The following SLC26A4 variants were observed in gnomAD, a reference collection of about 807,000 sequenced individuals.
SLC26A4 encodes the protein solute carrier family 26 member 4.
In SLC26A4, 93 loss-of-function variants were observed where a neutral mutation model predicts 90.4. The observed-to-expected ratio is 1.03, with a 90% CI of 0.87 to 1.22. The LOEUF (loss-of-function observed/expected upper bound fraction) is 1.22. Ranked by LOEUF, SLC26A4 falls within the 50% of genes most tolerant of loss-of-function variation. The pLI, the probability that SLC26A4 is intolerant of heterozygous loss-of-function variation, is 0.00. For missense variants in SLC26A4, 1,127 were observed against 946.2 expected (o/e 1.19, Z -2.51); for synonymous variants, 393 against 354.6 (o/e 1.11, Z -1.22).
intron 14 of SLC26A4, among the ~76,000 whole-genome samples, chr7:107,699,356 T>C (rs1791824559): frequency 6.6e-6 from 1 of 152,164 alleles, no homozygotes; most frequent in Non-Finnish European, 1.5e-5. Flanking sequence ...GGTGTGGCCA[T>C]TGTATGTCAG....
At chr7:107,705,323 T>A (rs1792011687) in intron 18 of SLC26A4, among the ~76,000 whole-genome samples, 1 of 152,170 alleles carries the variant, frequency 6.6e-6, no homozygotes, top group Non-Finnish European at 1.5e-5. Flanking sequence ...TTTTTGTTGT[T>A]TCAGAGAGAG....
chr7:107,686,237 T>C (rs1309439994), intron 8 of SLC26A4, among the ~76,000 whole-genome samples: 1 of 150,842 alleles, frequency 6.6e-6, no homozygotes, highest in East Asian at 1.9e-4. Flanking sequence ...TGTTTGTTAC[T>C]CTTTCTTTCA....
chr7:107,708,573 G>T (rs895538712), intron 18 of SLC26A4, among the ~76,000 whole-genome samples: 1 of 152,008 alleles, frequency 6.6e-6, no homozygotes, highest in Non-Finnish European at 1.5e-5. Context: ...AAATAAATAG[G>T]CCGGTCATGG....
In SLC26A4 at chr7:107,674,284, CA is replaced by C. The variant is rs1473556915; in HGVS notation, c.537del (p.Ala180LeufsTer8). ...TTAAATACTACTATGATAGACACTGCAGCTAGAGATACAGCTAGAGTCCTGA... is the reference window on the plus strand; with the variant it reads ...TTAAATACTACTATGATAGACACTGCGCTAGAGATACAGCTAGAGTCCTGA... ...TVLNTTMIDT[A>X]ARDTARVLIA... On this transcript the variant is annotated frameshift_variant, in exon 5 of 21. Coordinates refer to ENST00000644269, the MANE Select transcript of SLC26A4 (RefSeq NM_000441.2). LOFTEE classifies it high-confidence loss of function. The C allele has an allele frequency of 1.2e-6, 2 of 1,613,550 alleles. No individual in the cohort carries two copies. Among genetic ancestry groups the C allele is most frequent in the Non-Finnish European group, 1.7e-6 (2 of 1,179,616 alleles).
chr7:107,681,010 G>A (rs1215999718), intron 6 of SLC26A4, among the ~76,000 whole-genome samples: 1 of 152,156 alleles, frequency 6.6e-6, no homozygotes, highest in African/African-American at 2.4e-5. Context: ...GGGATAGGTA[G>A]GGCTGTTTGC....
chr7:107,671,934 T>C (rs1464160639), intron 3 of SLC26A4, among the ~76,000 whole-genome samples: 1 of 152,236 alleles, frequency 6.6e-6, no homozygotes, highest in Non-Finnish European at 1.5e-5. Context: ...AAGTATTGAA[T>C]ATCTCATGTA....
At chr7:107,705,530 G>T (rs1348103508) in intron 18 of SLC26A4, among the ~76,000 whole-genome samples, 1 of 152,186 alleles carries the variant, frequency 6.6e-6, no homozygotes, top group Non-Finnish European at 1.5e-5. Context: ...TTTTAACCAA[G>T]AAGTCTTCTC....
intron 17 of SLC26A4, among the ~76,000 whole-genome samples, chr7:107,702,846 A>T (rs1483714331): frequency 6.6e-6 from 1 of 152,216 alleles, no homozygotes; most frequent in Non-Finnish European, 1.5e-5. Context: ...TTGTTATGTT[A>T]ACAGCAACAG....
Position 107,710,049 on chromosome 7 carries a change from T to G in SLC26A4, c.2090-5T>G, listed in dbSNP as rs1411091972. On this transcript the variant is annotated splice_polypyrimidine_tract_variant and splice_region_variant and intron_variant, in intron 18 of 20. Coordinates refer to ENST00000644269, the MANE Select transcript of SLC26A4 (RefSeq NM_000441.2). ...CTAACAAAACATTGTGTCTTTCTTTTGAAGATTATGTGATAGAAAAGCTGG... is the reference window on the plus strand; with the variant it reads ...CTAACAAAACATTGTGTCTTTCTTTGGAAGATTATGTGATAGAAAAGCTGG... The G allele has an allele frequency of 6.2e-7, 1 of 1,612,396 alleles. No individual in the cohort carries two copies. The highest frequency in any genetic ancestry group is 1.1e-5 in the South Asian group (1 of 91,022).
At chr7:107,662,079 C>T in intron 2 of SLC26A4, 1 of 533,698 alleles carries the variant, frequency 1.9e-6, no homozygotes, top group Non-Finnish European at 3.3e-6. Context: ...TCTCTTTTTC[C>T]TCTCTGAAGG....
intron 18 of SLC26A4, among the ~76,000 whole-genome samples, chr7:107,707,692 C>G (rs371880260): frequency 1.1e-4 from 16 of 152,144 alleles, no homozygotes; most frequent in East Asian, 1.9e-4. Flanking sequence ...AATAACATAT[C>G]TATAAAAATA....
At chr7:107,687,435 A>G (rs1031418079) in intron 8 of SLC26A4, among the ~76,000 whole-genome samples, 1 of 152,212 alleles carries the variant, frequency 6.6e-6, no homozygotes, top group Non-Finnish European at 1.5e-5. Context: ...AGATTCTCCC[A>G]ATATATACCA....
At chr7:107,682,134 T>TAA (rs1427349921) in intron 6 of SLC26A4, among the ~76,000 whole-genome samples, 6 of 141,094 alleles carry the variant, frequency 4.3e-5, no homozygotes, top group Non-Finnish European at 3.1e-5. Context: ...AAAAAAATTT[T>TAA]TTTTATGTTA....
At position 107,661,863 on chromosome 7, in the gene SLC26A4, G is replaced by A; in HGVS notation, c.164+58G>A. On this transcript the variant is annotated intron_variant, in intron 2 of 20. Coordinates refer to ENST00000644269, the MANE Select transcript of SLC26A4 (RefSeq NM_000441.2). The surrounding 1 kb of genome is among the most constrained non-coding windows in gnomAD (Gnocchi z 5.1). Reference sequence around the variant, plus strand: ...CGGAGCGGGGCGTCCACGCCTTGGGGAGGGAAGGGCGTCCCCAGCGGGCGA... The same window carrying A: ...CGGAGCGGGGCGTCCACGCCTTGGGAAGGGAAGGGCGTCCCCAGCGGGCGA... 6.7e-7 allele frequency: 1 copy of A among 1,503,658 alleles called. No individual in the cohort carries two copies. The highest frequency in any genetic ancestry group is 8.9e-7 in the Non-Finnish European group (1 of 1,125,076). 93.1% of individuals were successfully genotyped at this position (1,503,658 alleles called of 1,614,324 possible).
In SLC26A4 at chr7:107,716,342, C is replaced by T. The variant is rs1469800668; in HGVS notation, c.*896C>T. The T allele has an allele frequency of 6.6e-6, 1 of 151,808 alleles. No homozygotes were observed. Among genetic ancestry groups the T allele is most frequent in the Non-Finnish European group, 1.5e-5 (1 of 67,956 alleles). The allele number at this position is 151,808 out of a possible 1,614,324, so 9.4% of individuals were successfully genotyped here. A position where few individuals can be genotyped will look rare whatever the true frequency, so the allele number is the denominator to read the frequency against. ...AATTTTTTTGATGTGCTTACATAAC[C>T]ATGGTGATTAAAATGAGTTTATATT... On this transcript the variant is annotated 3_prime_UTR_variant, in exon 21 of 21. Coordinates refer to ENST00000644269, the MANE Select transcript of SLC26A4 (RefSeq NM_000441.2).
intron 6 of SLC26A4, among the ~76,000 whole-genome samples, chr7:107,679,851 A>ATTATTATATAATC (rs1222422254): frequency 1.5e-5 from 1 of 68,926 alleles, no homozygotes; most frequent in Non-Finnish European, 2.9e-5. Context: ...ATAATCTTAT[A>ATTATTATATAATC]TTATTATATT....
rs747564818 is a variant in SLC26A4, at chr7:107,690,231, G to A, written c.1257G>A (p.Lys419=). Reference sequence around the variant, plus strand: ...CCGTCCAGGAGAGCACTGGAGGAAAGACACAGGTAGGAACAACAGCCTTAT... The same window carrying A: ...CCGTCCAGGAGAGCACTGGAGGAAAAACACAGGTAGGAACAACAGCCTTAT... ...RTAVQESTGG[K]TQVAGIISAA... The change falls in exon 10 of 21, where the codon AAG becomes AAA. Residue 419 remains lysine (K), a synonymous_variant. Coordinates refer to ENST00000644269, the MANE Select transcript of SLC26A4 (RefSeq NM_000441.2). 18 of 1,578,564 alleles carry A rather than the reference G, an allele frequency of 1.1e-5. No homozygotes were observed. The highest frequency in any genetic ancestry group is 1.1e-4 in the South Asian group (10 of 90,400).
intron 6 of SLC26A4, among the ~76,000 whole-genome samples, chr7:107,680,141 AATCTTATCTTATTATATAATATAATCTT>A (rs1562827276): frequency 1.1e-4 from 14 of 121,794 alleles, no homozygotes; most frequent in Admixed American, 5.2e-4. Context: ...TATATAATAT[AATCTTATCTTATTATATAATATAATCTT>A]ATCTTATTAT....
At chr7:107,674,420 T>A in intron 5 of SLC26A4, 72 bp downstream of exon 5, 1 of 1,170,090 alleles carries the variant, frequency 8.5e-7, no homozygotes, top group Non-Finnish European at 1.3e-6. Flanking sequence ...CATATAGACT[T>A]AAAGATTCTA....
Sources: gnomAD v4.1 joint callset for allele counts (sites outside exome capture counted in the v4.1 genomes callset) on GRCh38, gnomAD v4.1.1 for gene constraint, Gnocchi (gnomAD v3.1) non-coding constraint, MANE v1.5 for transcripts, NCBI Gene and HGNC (gene_info 2026-07-23, HGNC 2026-07-21) for gene names.